CCDC40: variants seen among roughly 807,000 people sequenced by gnomAD.
The protein encoded by CCDC40 is coiled-coil domain 40 molecular ruler complex subunit, also known as coiled-coil domain-containing protein 40.
Under a neutral mutation model 124.5 loss-of-function variants are expected in CCDC40, and 104 were observed. The observed-to-expected ratio is 0.84, with a 90% CI of 0.71 to 0.98. The LOEUF is 0.98. Ranked by LOEUF, CCDC40 falls within the 50% of genes least tolerant of loss-of-function variation. The pLI, the probability that CCDC40 is intolerant of heterozygous loss-of-function variation, is 0.00. For missense variants in CCDC40, 1,463 were observed against 1,503.9 expected (o/e 0.97, Z 0.45); for synonymous variants, 580 against 602.9 (o/e 0.96, Z 0.56).
In CCDC40 at chr17:80,036,736, C is replaced by T. The variant is rs544319033; in HGVS notation, c.29+45C>T. The T allele has an allele frequency of 9.6e-6, 14 of 1,457,646 alleles. No individual in the cohort carries two copies. The African/African-American group carries it at 1.6e-4, about 17-fold the overall frequency. 90.3% of individuals were successfully genotyped at this position (1,457,646 alleles called of 1,614,324 possible). Reference sequence around the variant, plus strand: ...AGCGGGTCTTGGAGTCGCCAGGCCGCGCTCTCCGTTCACCGCTCCAGGTGG... The same window carrying T: ...AGCGGGTCTTGGAGTCGCCAGGCCGTGCTCTCCGTTCACCGCTCCAGGTGG... On this transcript the variant is annotated intron_variant, in intron 1 of 19. Transcript: ENST00000397545.
At position 80,086,335 on chromosome 17, in the gene CCDC40, G is replaced by A. The variant is rs2038588391; in HGVS notation, c.2449+119G>A. The stretch of plus-strand genomic sequence containing the variant: ...GCTGGATTTGCACGCAGCCTTAAAA[G>A]CAAATAACAAACGCGCATGCTCCCT... On this transcript the variant is annotated intron_variant, in intron 14 of 19. Coordinates refer to ENST00000397545, the MANE Select transcript of CCDC40 (RefSeq NM_017950.4). This position sits in a 1 kb window ranked among gnomAD's most constrained non-coding sequence, Gnocchi z 5.5. 1.2e-6 allele frequency: 1 copy of A among 815,780 alleles called. No individual in the cohort carries two copies. Among genetic ancestry groups the A allele is most frequent in the Admixed American group, 2.1e-5 (1 of 47,756 alleles). 50.5% of individuals were successfully genotyped at this position (815,780 alleles called of 1,614,324 possible). A position where few individuals can be genotyped will look rare whatever the true frequency, so the allele number is the denominator to read the frequency against.
Position 80,048,724 on chromosome 17 carries a change from A to G in CCDC40, c.818A>G (p.Asp273Gly). ...ESEGSDEEAE[D>G]EGSQLVVLDP... is the part of the protein sequence containing the mutation. ...GAGGGGAGTGACGAGGAAGCAGAAG[A>G]CGAAGGGTCCCAGCTGGTGGTTTTG... The change falls in exon 5 of 20, where the codon GAC becomes GGC. Residue 273 changes from aspartate to glycine, a missense_variant. Asp to Gly is a moderately conservative substitution (Grantham distance 94, BLOSUM62 -1). Transcript: ENST00000397545. 6.2e-7 allele frequency: 1 copy of G among 1,613,470 alleles called. No homozygotes were observed. The highest frequency in any genetic ancestry group is 8.5e-7 in the Non-Finnish European group (1 of 1,179,700).
In CCDC40 at chr17:80,095,447, G is replaced by A. The variant is rs761029623; in HGVS notation, c.3017G>A (p.Arg1006His). ...CTGCGCCGGAAAATCAGGGACGTTC[G>A]CAAGGTAGGGAGCAGCGGAAAGGAA... ...LELRRKIRDV[R>H]KATDECTKTV... Residue 1006 changes from arginine to histidine, a missense_variant, in exon 18 of 20, where the codon CGC becomes CAC. By Grantham distance (29) the Arg-to-His change is conservative. Coordinates refer to ENST00000397545, the MANE Select transcript of CCDC40 (RefSeq NM_017950.4). 2.5e-6 allele frequency: 4 copies of A among 1,613,976 alleles called. No homozygotes were observed. The highest frequency in any genetic ancestry group is 3.4e-6 in the Non-Finnish European group (4 of 1,180,002).
chr17:80,037,687 A>AT (rs56753990), intron 1 of CCDC40, among the ~76,000 whole-genome samples: 11,688 of 79,296 alleles, frequency 0.15, 925 homozygotes, highest in East Asian at 0.26. Context: ...ATTTTTTAAA[A>AT]AAGATATACA....
chr17:80,054,895 A>G (rs1368686239), intron 7 of CCDC40, among the ~76,000 whole-genome samples: 5 of 152,072 alleles, frequency 3.3e-5, no homozygotes, highest in Non-Finnish European at 4.4e-5. Context: ...GAATTGCTTG[A>G]GCCCAGGAGA....
chr17:80,091,143 C>T (rs2038714375), intron 17 of CCDC40, among the ~76,000 whole-genome samples: 1 of 152,188 alleles, frequency 6.6e-6, no homozygotes, highest in Non-Finnish European at 1.5e-5. Context: ...CTAACCCATT[C>T]TTTAACAGTT....
At chr17:80,072,792 G>A (rs901954878) in intron 10 of CCDC40, among the ~76,000 whole-genome samples, 2 of 152,208 alleles carry the variant, frequency 1.3e-5, no homozygotes, top group Admixed American at 6.5e-5. Context: ...TCCCTTGCAC[G>A]GATACATCAG....
chr17:80,075,090 T>A (rs1190317742), intron 10 of CCDC40, among the ~76,000 whole-genome samples: 1 of 151,826 alleles, frequency 6.6e-6, no homozygotes, highest in Non-Finnish European at 1.5e-5. Flanking sequence ...ACCTGGCTAA[T>A]TTTTTATATT....
rs2038543865 is a variant in CCDC40, at chr17:80,084,864, A to G, written c.2111A>G (p.Lys704Arg). Reference protein sequence around the residue: ...TLVELDQDVKKVNELITNSQS... With the variant: ...TLVELDQDVKRVNELITNSQS... ...GTGGAGCTGGACCAGGACGTGAAGA[A>G]AGTCAACGAGCTCATCACCAACAGC... Residue 704 changes from lysine (K) to arginine (R), a missense_variant, in exon 13 of 20, where the codon AAA (lysine) becomes AGA (arginine). By Grantham distance (26) the Lys-to-Arg change is conservative (BLOSUM62 2). Transcript: ENST00000397545. 6.2e-7 allele frequency: 1 copy of G among 1,614,050 alleles called. No individual in the cohort carries two copies. Among genetic ancestry groups the G allele is most frequent in the Non-Finnish European group, 8.5e-7 (1 of 1,180,046 alleles).
intron 2 of CCDC40, among the ~76,000 whole-genome samples, chr17:80,039,376 TAAAA>T (rs557535373): frequency 1.4e-5 from 2 of 148,120 alleles, no homozygotes; most frequent in South Asian, 2.2e-4. Context: ...CAAAAAAAAA[TAAAA>T]AAAGAAAGAA....
chr17:80,052,848 G>A (rs936209533), intron 7 of CCDC40, among the ~76,000 whole-genome samples: 6 of 152,196 alleles, frequency 3.9e-5, no homozygotes, highest in Non-Finnish European at 7.3e-5. Flanking sequence ...TGAGATTTTA[G>A]AGGACATTGC....
chr17:80,063,056 G>T (rs377609658), intron 9 of CCDC40, among the ~76,000 whole-genome samples: 5 of 152,216 alleles, frequency 3.3e-5, no homozygotes, highest in African/African-American at 1.2e-4. Context: ...TTAGCCAGGC[G>T]TGGTGGCGAG....
chr17:80,056,004 A>ATTTTTTTT (rs1262463030), intron 7 of CCDC40, among the ~76,000 whole-genome samples: 18 of 8,372 alleles, frequency 2.2e-3, no homozygotes, highest in Non-Finnish European at 3.3e-3. Flanking sequence ...ATATATATAT[A>ATTTTTTTT]TATATATATA....
rs1259039818 is a variant in CCDC40 at position 80,087,443 on chromosome 17, C to G, written c.2450-164C>G. 2 of 691,098 alleles carry G rather than the reference C, an allele frequency of 2.9e-6. No individual in the cohort carries two copies. The highest frequency in any genetic ancestry group is 5.3e-6 in the Non-Finnish European group (2 of 376,252). 42.8% of individuals were successfully genotyped at this position (691,098 alleles called of 1,614,324 possible). A position where few individuals can be genotyped will look rare whatever the true frequency, so the allele number is the denominator to read the frequency against. On this transcript the variant is annotated intron_variant, in intron 14 of 19. Coordinates refer to ENST00000397545, the MANE Select transcript of CCDC40 (RefSeq NM_017950.4). This position sits in a 1 kb window ranked among gnomAD's most constrained non-coding sequence, Gnocchi z 4.5. ...TGTCCTCTCCTCTCCTCTGTCCTGGCAGGGACGAGATTCAGGCAGGAGCGC... is the reference window on the plus strand; with the variant it reads ...TGTCCTCTCCTCTCCTCTGTCCTGGGAGGGACGAGATTCAGGCAGGAGCGC...
intron 17 of CCDC40, among the ~76,000 whole-genome samples, chr17:80,094,383 G>A (rs1425603418): frequency 3.2e-4 from 48 of 152,018 alleles, no homozygotes. Context: ...TCGCACTCCA[G>A]CCTGGGCAAC....
At chr17:80,043,530 C>T (rs370321916) in intron 3 of CCDC40, among the ~76,000 whole-genome samples, 14 of 151,546 alleles carry the variant, frequency 9.2e-5, no homozygotes, top group Middle Eastern at 3.4e-3. Context: ...ACCCCTGCGG[C>T]CGGCCTTGGC....
intron 18 of CCDC40, among the ~76,000 whole-genome samples, 159 bp downstream of exon 18, chr17:80,095,610 G>A (rs1043007438): frequency 4.6e-5 from 7 of 152,162 alleles, no homozygotes; most frequent in African/African-American, 1.7e-4. Context: ...TGGGTCTGGG[G>A]TGAGGATGCA....
chr17:80,055,998 A>ATT lies in CCDC40; in HGVS notation c.1160-2495_1160-2494insTT, dbSNP rs1568682555. Reference sequence around the variant, plus strand: ...CTAATTTTCATATATATATATATATATATATATATATATATATATTTTTTT... The same window carrying ATT: ...CTAATTTTCATATATATATATATATATTTATATATATATATATATATTTTTTT... On this transcript the variant is annotated intron_variant, in intron 7 of 19. Transcript: ENST00000397545. Among the ~76,000 whole-genome samples, 5 of 5,306 alleles carry ATT rather than the reference A, an allele frequency of 9.4e-4. 1 individual carries two copies. Among genetic ancestry groups the ATT allele is most frequent in the Non-Finnish European group, 2.7e-3 (3 of 1,092 alleles). The allele number at this position is 5,306 out of a possible 152,430, so 3.5% of individuals were successfully genotyped here.
At chr17:80,085,889 T>TG (rs1322036642) in intron 13 of CCDC40, 114 bp from the exon 14 acceptor site, 2 of 948,802 alleles carry the variant, frequency 2.1e-6, no homozygotes, top group Non-Finnish European at 3.4e-6. Flanking sequence ...AGGCTGGTCT[T>TG]GAACTCCTGA....
Sources: gnomAD v4.1 joint callset for allele counts (sites outside exome capture counted in the v4.1 genomes callset) on GRCh38, gnomAD v4.1.1 for gene constraint, Gnocchi (gnomAD v3.1) non-coding constraint, MANE v1.5 for transcripts, NCBI Gene and HGNC (gene_info 2026-07-23, HGNC 2026-07-21) for gene names.